The following NDST2 variants were observed in gnomAD, a reference collection of about 807,000 sequenced individuals.
NDST2 encodes N-deacetylase and N-sulfotransferase 2, also known as bifunctional heparan sulfate N-deacetylase/N-sulfotransferase 2.
In NDST2, 32 loss-of-function variants were observed where a neutral mutation model predicts 86.9. The ratio of observed to expected loss-of-function variants is 0.37; its 90% CI spans 0.28 to 0.49. The LOEUF (loss-of-function observed/expected upper bound fraction) is 0.49. Ranked by LOEUF, NDST2 falls within the 20% of genes least tolerant of loss-of-function variation. The pLI is 0.97. For missense variants in NDST2, 950 were observed against 1,146.9 expected (o/e 0.83, Z 2.48); for synonymous variants, 409 against 437.0 (o/e 0.94, Z 0.80).
chr10:73,809,860 G>A (rs1006332362), intron 2 of NDST2, among the ~76,000 whole-genome samples: 3 of 152,116 alleles, frequency 2.0e-5, no homozygotes, highest in Admixed American at 1.3e-4. Context: ...AGCCTCCCAT[G>A]TAGCTGGGAC....
At position 73,808,519 on chromosome 10, in the gene NDST2, T is replaced by C; in HGVS notation, c.-131A>G. ...GGGGACAGGGATTCCCTTGGGGAGTTTCCTTTACGAGGTGGAGACGAGTCC... is the reference window on the plus strand; with the variant it reads ...GGGGACAGGGATTCCCTTGGGGAGTCTCCTTTACGAGGTGGAGACGAGTCC... On this transcript the variant is annotated 5_prime_UTR_variant, in exon 3 of 15. Coordinates refer to ENST00000309979, the MANE Select transcript of NDST2 (RefSeq NM_003635.4). This position sits in a 1 kb window ranked among gnomAD's most constrained non-coding sequence, Gnocchi z 4.3. 1 of 950,898 alleles carries C rather than the reference T, an allele frequency of 1.1e-6. No individual in the cohort carries two copies. The highest frequency in any genetic ancestry group is 1.5e-6 in the Non-Finnish European group (1 of 656,472). The allele number at this position is 950,898 out of a possible 1,614,324, so 58.9% of individuals were successfully genotyped here. A position where few individuals can be genotyped will look rare whatever the true frequency, so the allele number is the denominator to read the frequency against.
chr10:73,808,443 G>A lies in NDST2; in HGVS notation c.-55C>T, dbSNP rs2084145773. ...GGACCACCTCAGGGGATGGGAGGTA[G>A]GAGTTCTATAGGCTAGGACTGTCTT... On this transcript the variant is annotated 5_prime_UTR_variant, in exon 3 of 15. Coordinates refer to ENST00000309979, the MANE Select transcript of NDST2 (RefSeq NM_003635.4). The surrounding 1 kb of genome is among the most constrained non-coding windows in gnomAD (Gnocchi z 4.3). 4 of 1,496,622 alleles carry A rather than the reference G, an allele frequency of 2.7e-6. No individual in the cohort carries two copies. Among genetic ancestry groups the A allele is most frequent in the Admixed American group, 4.2e-5 (2 of 47,942 alleles). 92.7% of individuals were successfully genotyped at this position (1,496,622 alleles called of 1,614,324 possible).
intron 9 of NDST2, among the ~76,000 whole-genome samples, chr10:73,804,486 C>T (rs908976892): frequency 1.3e-5 from 2 of 151,918 alleles, no homozygotes; most frequent in Admixed American, 6.6e-5. Flanking sequence ...ACTAAAAATA[C>T]AAAAATTAGC....
At chr10:73,811,356 GCA>G (rs2084251009) in intron 1 of NDST2, 116 bp downstream of exon 1, 1 of 152,940 alleles carries the variant, frequency 6.5e-6, no homozygotes, top group African/African-American at 2.4e-5. Context: ...GGGGCGCGGC[GCA>G]CGCTGGGCCG....
chr10:73,802,834 A>C (rs1307462284), intron 13 of NDST2, 58 bp from the exon 14 acceptor site: 6 of 1,546,112 alleles, frequency 3.9e-6, no homozygotes, highest in Non-Finnish European at 5.4e-6. Flanking sequence ...AAGTTCCATA[A>C]ATGCACAATG....
intron 9 of NDST2, 38 bp from the exon 10 acceptor site, chr10:73,804,054 G>C (rs565008068): frequency 6.2e-7 from 1 of 1,607,856 alleles, no homozygotes; most frequent in South Asian, 1.1e-5. Context: ...GGCAGCCATT[G>C]TGGGAGGGAA....
Position 73,805,782 on chromosome 10 carries a change from C to G in NDST2, c.1564-13G>C, listed in dbSNP as rs1336914659. 1 of 1,613,888 alleles carries G rather than the reference C, an allele frequency of 6.2e-7. No homozygotes were observed. Among genetic ancestry groups the G allele is most frequent in the Non-Finnish European group, 8.5e-7 (1 of 1,179,788 alleles). On this transcript the variant is annotated splice_polypyrimidine_tract_variant and intron_variant, in intron 7 of 14. Transcript: ENST00000309979. ...TAAAGATGCTGATCTGTAAGGGGTA[C>G]CTGCATGTCAGATTTGGAGAGCCTA... is the stretch of plus-strand genomic sequence containing the variant.
At chr10:73,810,976 C>T in intron 1 of NDST2, 73 bp from the exon 2 acceptor site, 1 of 398,012 alleles carries the variant, frequency 2.5e-6, no homozygotes, top group Non-Finnish European at 4.4e-6. Context: ...CACTGAGGGC[C>T]AGCAGGGCTG....
rs767282380 is a variant in NDST2, at chr10:73,803,218, G to A, written c.2284C>T (p.Arg762Cys). 1.4e-5 allele frequency: 22 copies of A among 1,614,246 alleles called. No individual in the cohort carries two copies. The highest frequency in any genetic ancestry group is 1.6e-5 in the Non-Finnish European group (19 of 1,180,044). The change falls in exon 12 of 15, where the codon CGC (arginine) becomes TGC (cysteine). Residue 762 changes from arginine (R) to cysteine (C), a missense_variant. This residue lies in a region of NDST2 where 303 missense variants were observed against 323.7 expected (regional missense o/e 0.94). Coordinates refer to ENST00000309979, the MANE Select transcript of NDST2 (RefSeq NM_003635.4). ...VPGYYSTHLQ[R>C]WLTYYPSGQL... ...CCAGAGGGGTAGTAAGTCAGCCAGC[G>A]TTGTAGATGGGTAGAATAGTAGCCA... is the stretch of plus-strand genomic sequence containing the variant.
Position 73,806,185 on chromosome 10 carries a change from C to A in NDST2, c.1434+104G>T. 1.3e-6 allele frequency: 2 copies of A among 1,530,294 alleles called. No individual in the cohort carries two copies. Among genetic ancestry groups the A allele is most frequent in the Non-Finnish European group, 9.0e-7 (1 of 1,111,610 alleles). 94.8% of individuals were successfully genotyped at this position (1,530,294 alleles called of 1,614,324 possible). A position where few individuals can be genotyped will look rare whatever the true frequency, so the allele number is the denominator to read the frequency against. On this transcript the variant is annotated intron_variant, in intron 6 of 14. Coordinates refer to ENST00000309979, the MANE Select transcript of NDST2 (RefSeq NM_003635.4). The surrounding 1 kb of genome is among the most constrained non-coding windows in gnomAD (Gnocchi z 4.5). ...TCACCTTTCTACCCCCAATTATGTACCCCCATACTTGGACTGGCAGTTGAT... is the reference window on the plus strand; with the variant it reads ...TCACCTTTCTACCCCCAATTATGTAACCCCATACTTGGACTGGCAGTTGAT...
rs1462990184 is a variant in NDST2 at position 73,807,169 on chromosome 10, G to C, written c.1032C>G (p.Leu344=). ...AGGTGAAGTTGGGAACTAAGGTCCT[G>C]AGTTTGTTCTGGGTGGTCAACAGAG... is the stretch of plus-strand genomic sequence containing the variant. ...VEALLTTQNK[L]RTLVPNFTFN... is the part of the protein sequence containing the mutation. Residue 344 remains leucine (L), a synonymous_variant, in exon 4 of 15, where the codon CTC becomes CTG. Coordinates refer to ENST00000309979, the MANE Select transcript of NDST2 (RefSeq NM_003635.4). 2 of 1,613,978 alleles carry C rather than the reference G, an allele frequency of 1.2e-6. No homozygotes were observed. The highest frequency in any genetic ancestry group is 2.7e-5 in the African/African-American group (2 of 74,894).
In NDST2 at chr10:73,807,767, G is replaced by A. The variant is rs948059237; in HGVS notation, c.622C>T (p.Leu208=). ...RDYQVNPSAP[L]LHLTRPSRLE... is the part of the protein sequence containing the mutation. ...CGGCTGGGGCGTGTGAGATGCAGTA[G>A]CGGGGCAGAAGGATTCACTTGGTAG... Residue 208 remains leucine, a synonymous_variant, in exon 3 of 15, where the codon CTA becomes TTA. Coordinates refer to ENST00000309979, the MANE Select transcript of NDST2 (RefSeq NM_003635.4). The A allele has an allele frequency of 1.2e-6, 2 of 1,614,194 alleles. No individual in the cohort carries two copies. The highest frequency in any genetic ancestry group is 2.2e-5 in the East Asian group (1 of 44,886).
Position 73,802,527 on chromosome 10 carries a change from G to A in NDST2, c.2576C>T (p.Ser859Leu), listed in dbSNP as rs759577370. ...DFFRNHNLEL[S>L]KLLSRLGQPV... ...CTGTCCAAGCCGGCTCAGCAGCTTC[G>A]ACAACTCCAAATTATGGTTCCGGAA... The change falls in exon 15 of 15, where the codon TCG (serine) becomes TTG (leucine). Residue 859 changes from serine to leucine, a missense_variant. This residue lies in a region of NDST2 where 303 missense variants were observed against 323.7 expected (regional missense o/e 0.94). Coordinates refer to ENST00000309979, the MANE Select transcript of NDST2 (RefSeq NM_003635.4). The A allele has an allele frequency of 2.0e-5, 32 of 1,613,972 alleles. No homozygotes were observed. The East Asian group carries it at 4.0e-4, about 20-fold the overall frequency.
rs764596905 is a variant in NDST2, at chr10:73,804,804, C to T, written c.1812G>A (p.Pro604=). ...TCTGGGGTCCCACAATGAGGAACTT[C>T]GGGAGACGATCACAGGTTTTCTCCT... The part of the protein sequence containing the change: ...WSKEKTCDRL[P]KFLIVGPQKT... The change falls in exon 9 of 15, where the codon CCG becomes CCA. Residue 604 remains proline (P), a synonymous_variant. Transcript: ENST00000309979. 1.4e-5 allele frequency: 23 copies of T among 1,613,074 alleles called. No homozygotes were observed. The highest frequency in any genetic ancestry group is 2.2e-5 in the East Asian group (1 of 44,856).
Position 73,806,879 on chromosome 10 carries a change from C to T in NDST2, c.1094-68G>A, listed in dbSNP as rs1040990557. On this transcript the variant is annotated intron_variant, in intron 4 of 14. Transcript: ENST00000309979. This position sits in a 1 kb window ranked among gnomAD's most constrained non-coding sequence, Gnocchi z 4.5. ...TGTTCCCTCCTTTATTTTGTAACAACACTGACCACCTTCCATCCCTGATCC... is the reference window on the plus strand; with the variant it reads ...TGTTCCCTCCTTTATTTTGTAACAATACTGACCACCTTCCATCCCTGATCC... 1.3e-6 allele frequency: 2 copies of T among 1,585,622 alleles called. No individual in the cohort carries two copies. The highest frequency in any genetic ancestry group is 1.3e-5 in the African/African-American group (1 of 74,456).
chr10:73,804,726 C>G (rs376807069), intron 9 of NDST2, 47 bp downstream of exon 9: 1 of 1,165,622 alleles, frequency 8.6e-7, no homozygotes, highest in Non-Finnish European at 1.3e-6. Context: ...CAAAAGGATC[C>G]TTTGGGTTTA....
chr10:73,806,511 G>A lies in NDST2; in HGVS notation c.1249-37C>T. 4 of 1,559,520 alleles carry A rather than the reference G, an allele frequency of 2.6e-6. No homozygotes were observed. The highest frequency in any genetic ancestry group is 3.5e-6 in the Non-Finnish European group (4 of 1,150,522). Reference sequence around the variant, plus strand: ...ATAGACTCTCACCAGGACCTGGTGAGGTTTGGGGAGTAGAGGGTAAAGAGG... The same window carrying A: ...ATAGACTCTCACCAGGACCTGGTGAAGTTTGGGGAGTAGAGGGTAAAGAGG... On this transcript the variant is annotated intron_variant, in intron 5 of 14. Coordinates refer to ENST00000309979, the MANE Select transcript of NDST2 (RefSeq NM_003635.4). This position sits in a 1 kb window ranked among gnomAD's most constrained non-coding sequence, Gnocchi z 4.5.
In NDST2 at chr10:73,805,990, T is replaced by C; in HGVS notation, c.1473A>G (p.Thr491=). ...CTCCAGGATACTCATTATAGAAGAT[T>C]GTGTGAGTGAAGAGGCCACATGTCT... ...PRQTCGLFTH[T]IFYNEYPGGS... Residue 491 remains threonine (T), a synonymous_variant, in exon 7 of 15, where the codon ACA becomes ACG. Transcript: ENST00000309979. The C allele has an allele frequency of 6.2e-7, 1 of 1,614,078 alleles. No individual in the cohort carries two copies. The highest frequency in any genetic ancestry group is 1.1e-5 in the South Asian group (1 of 91,080).
At chr10:73,810,395 T>C (rs909440222) in intron 2 of NDST2, among the ~76,000 whole-genome samples, 1 of 151,628 alleles carries the variant, frequency 6.6e-6, no homozygotes, top group Non-Finnish European at 1.5e-5. Flanking sequence ...GAGGCGGAAA[T>C]TGCAGTGAGC....
Sources: allele counts gnomAD v4.1 joint callset (sites outside exome capture counted in the v4.1 genomes callset), GRCh38; gene constraint gnomAD v4.1.1; regional missense constraint gnomAD v4.1.1; non-coding constraint Gnocchi (gnomAD v3.1); transcripts MANE v1.5; gene names NCBI Gene and HGNC (gene_info 2026-07-23, HGNC 2026-07-21).